LEKR1: variants seen among roughly 807,000 people sequenced by gnomAD.
LEKR1 encodes leucine, glutamate and lysine rich 1.
A neutral mutation model predicts 72.4 loss-of-function variants in LEKR1; 59 were observed. The ratio of observed to expected loss-of-function variants is 0.82; its 90% confidence interval spans 0.66 to 1.01. The LOEUF (loss-of-function observed/expected upper bound fraction) is 1.01. Among genes scored for constraint, LEKR1 ranks in the 50% least tolerant of loss-of-function variants. The pLI, the probability that LEKR1 is intolerant of heterozygous loss-of-function variation, is 0.00. For synonymous variants in LEKR1, 257 were observed against 263.2 expected, an observed-to-expected ratio of 0.98 and a Z score of 0.23; for missense variants, 728 against 759.2, an observed-to-expected ratio of 0.96 and a Z score of 0.48.
At chr3:156,924,370 C>A in intron 4 of LEKR1, 1 of 462,086 alleles carries the variant, frequency 2.2e-6, no homozygotes, top group South Asian at 5.3e-5. Flanking sequence ...GGGTATAAGG[C>A]CTTTATATGA....
At chr3:156,997,674 A>T (rs1468918300) in intron 9 of LEKR1, among the ~76,000 whole-genome samples, 2 of 152,106 alleles carry the variant, frequency 1.3e-5, no homozygotes, top group African/African-American at 4.8e-5. Context: ...TTCCTCCCTG[A>T]CCCCTCAGGA....
intron 10 of LEKR1, among the ~76,000 whole-genome samples, 159 bp from the exon 11 acceptor site, chr3:157,024,601 G>A (rs1015704204): frequency 1.8e-4 from 27 of 152,084 alleles, no homozygotes; most frequent in Non-Finnish European, 3.1e-4. Context: ...TCTGGCCCAA[G>A]TTCTAAGTCA....
chr3:156,856,395 G>C (rs1209215958), intron 3 of LEKR1, among the ~76,000 whole-genome samples: 1 of 152,084 alleles, frequency 6.6e-6, no homozygotes, highest in African/African-American at 2.4e-5. Flanking sequence ...CAAGTGTTTG[G>C]TTTGCCTTTC....
chr3:156,870,781 T>C (rs1353707889), intron 3 of LEKR1, among the ~76,000 whole-genome samples: 2 of 152,130 alleles, frequency 1.3e-5, no homozygotes, highest in African/African-American at 4.8e-5. Flanking sequence ...CTTTCAGCTC[T>C]TCCCCATTCA....
At chr3:157,015,717 A>C (rs1301543517) in intron 10 of LEKR1, among the ~76,000 whole-genome samples, 1 of 152,204 alleles carries the variant, frequency 6.6e-6, no homozygotes, top group East Asian at 1.9e-4. Context: ...AGGGCTCAAA[A>C]TGAAAAGAAA....
chr3:156,910,512 C>T (rs989749048), intron 3 of LEKR1, among the ~76,000 whole-genome samples: 1 of 152,140 alleles, frequency 6.6e-6, no homozygotes, highest in Non-Finnish European at 1.5e-5. Flanking sequence ...CTGTGGTCAG[C>T]ACCTGAGTAA....
At chr3:156,899,999 A>G (rs1276918607) in intron 3 of LEKR1, among the ~76,000 whole-genome samples, 1 of 152,144 alleles carries the variant, frequency 6.6e-6, no homozygotes, top group Non-Finnish European at 1.5e-5. Flanking sequence ...TGGGGTTTAA[A>G]AGGATTACAA....
chr3:156,878,708 T>C (rs1347383764), intron 3 of LEKR1, among the ~76,000 whole-genome samples: 1 of 152,194 alleles, frequency 6.6e-6, no homozygotes, highest in Non-Finnish European at 1.5e-5. Context: ...TGATCTGTGA[T>C]ATGGTTTGGC....
At chr3:156,847,575 A>C (rs1487080773) in intron 2 of LEKR1, among the ~76,000 whole-genome samples, 1 of 152,232 alleles carries the variant, frequency 6.6e-6, no homozygotes, top group Non-Finnish European at 1.5e-5. Context: ...CTCAAGTTTC[A>C]CAAAAATGCC....
At chr3:156,914,519 T>A (rs1723414563) in intron 3 of LEKR1, among the ~76,000 whole-genome samples, 1 of 152,176 alleles carries the variant, frequency 6.6e-6, no homozygotes, top group African/African-American at 2.4e-5. Context: ...CTGCATAGTA[T>A]TCCATGGTGT....
chr3:156,895,482 A>G (rs959455811), intron 3 of LEKR1, among the ~76,000 whole-genome samples: 2 of 152,054 alleles, frequency 1.3e-5, no homozygotes, highest in Non-Finnish European at 2.9e-5. Flanking sequence ...ATGGTGGCTC[A>G]TGCCTATAGT....
intron 3 of LEKR1, among the ~76,000 whole-genome samples, chr3:156,898,933 A>G (rs146453424): frequency 3.3e-5 from 5 of 152,306 alleles, no homozygotes; most frequent in Non-Finnish European, 7.4e-5. Context: ...AAAAACATCT[A>G]TAAAACATGT....
At chr3:156,913,769 G>C (rs903535218) in intron 3 of LEKR1, among the ~76,000 whole-genome samples, 1 of 152,130 alleles carries the variant, frequency 6.6e-6, no homozygotes, top group African/African-American at 2.4e-5. Flanking sequence ...AATATCCAGA[G>C]ATTTTATCAA....
intron 2 of LEKR1, among the ~76,000 whole-genome samples, chr3:156,837,103 A>G (rs575973673): frequency 1.3e-5 from 2 of 152,394 alleles, no homozygotes; most frequent in East Asian, 3.9e-4. Flanking sequence ...ACTCAGTTTC[A>G]GTAGTGACTT....
chr3:156,997,961 A>G (rs1345890804), intron 9 of LEKR1, among the ~76,000 whole-genome samples: 2 of 152,242 alleles, frequency 1.3e-5, no homozygotes, highest in Non-Finnish European at 2.9e-5. Context: ...TTCTCGAATC[A>G]TGGGATTCTG....
chr3:156,922,335 T>G (rs1305787855), intron 4 of LEKR1, among the ~76,000 whole-genome samples: 4 of 151,916 alleles, frequency 2.6e-5, no homozygotes, highest in Admixed American at 6.6e-5. Flanking sequence ...CCATAAAACT[T>G]AGTTGCTCTT....
At chr3:156,908,864 G>T (rs970922100) in intron 3 of LEKR1, among the ~76,000 whole-genome samples, 11 of 152,112 alleles carry the variant, frequency 7.2e-5, no homozygotes, top group Non-Finnish European at 4.4e-5. Flanking sequence ...TTAAGGCCAT[G>T]CATTTACATC....
chr3:156,945,493 G>A (rs1247904138), intron 6 of LEKR1, among the ~76,000 whole-genome samples: 13 of 151,650 alleles, frequency 8.6e-5, no homozygotes, highest in Admixed American at 1.3e-4. Context: ...GGCTGCCTGC[G>A]CTTGTGGGGT....
At chr3:156,960,822 A>T (rs1161464104) in intron 6 of LEKR1, among the ~76,000 whole-genome samples, 2 of 152,204 alleles carry the variant, frequency 1.3e-5, no homozygotes, top group African/African-American at 4.8e-5. Flanking sequence ...CCAACATATG[A>T]AGTAAAAATT....
Sources: allele counts gnomAD v4.1 joint callset (sites outside exome capture counted in the v4.1 genomes callset), GRCh38; gene constraint gnomAD v4.1.1; transcripts MANE v1.5; gene names NCBI Gene and HGNC (gene_info 2026-07-23, HGNC 2026-07-21).